The following GABBR2 variants were observed in gnomAD, a reference collection of about 807,000 sequenced individuals.
The protein encoded by GABBR2 is G-protein coupled receptor 51.
GABBR2 carries 23 observed loss-of-function variants against 105.6 expected under a neutral mutation model. The ratio of observed to expected loss-of-function variants is 0.22; its 90% CI spans 0.16 to 0.31. The LOEUF is 0.31. GABBR2 is among the 10% of genes least tolerant of loss of function. The pLI is 1.00. For synonymous variants in GABBR2, 478 were observed against 499.7 expected, an observed-to-expected ratio of 0.96 and a Z score of 0.58; for missense variants, 734 against 1,245.5, an observed-to-expected ratio of 0.59 and a Z score of 6.18.
At chr9:98,624,282 A>G (rs1242949614) in intron 1 of GABBR2, among the ~76,000 whole-genome samples, 3 of 152,172 alleles carry the variant, frequency 2.0e-5, no homozygotes, top group Non-Finnish European at 4.4e-5. Flanking sequence ...GCCAGGGCCT[A>G]CAAGTCTCAG....
chr9:98,628,896 G>A (rs1441063169), intron 1 of GABBR2, among the ~76,000 whole-genome samples: 3 of 152,112 alleles, frequency 2.0e-5, no homozygotes, highest in Non-Finnish European at 4.4e-5. Flanking sequence ...ACCCCTACAG[G>A]GGCTGCAGCT....
intron 8 of GABBR2, 58 bp downstream of exon 8, chr9:98,406,023 A>G: frequency 1.0e-6 from 1 of 969,876 alleles, no homozygotes; most frequent in Non-Finnish European, 1.7e-6. Context: ...ATTGCATAAA[A>G]CAACATTCCT....
intron 1 of GABBR2, among the ~76,000 whole-genome samples, chr9:98,622,070 A>G (rs1829678099): frequency 6.6e-6 from 1 of 152,240 alleles, no homozygotes; most frequent in Non-Finnish European, 1.5e-5. Context: ...TATTATAATT[A>G]TCAGAGCATC....
intron 1 of GABBR2, among the ~76,000 whole-genome samples, chr9:98,635,968 C>G (rs1001968990): frequency 6.6e-6 from 1 of 152,138 alleles, no homozygotes; most frequent in South Asian, 2.1e-4. Context: ...CACCATGCAC[C>G]CGGTTCTGAC....
At chr9:98,456,633 G>A (rs921593679) in intron 6 of GABBR2, among the ~76,000 whole-genome samples, 2 of 152,116 alleles carry the variant, frequency 1.3e-5, no homozygotes, top group African/African-American at 4.8e-5. Flanking sequence ...TAAAACACAG[G>A]AGCACACCTA....
chr9:98,298,033 C>T (rs750123676), intron 17 of GABBR2, among the ~76,000 whole-genome samples: 3 of 127,030 alleles, frequency 2.4e-5, no homozygotes, highest in South Asian at 2.5e-4. Context: ...CAGAGTGAGA[C>T]TCCATCTTAA....
intron 5 of GABBR2, among the ~76,000 whole-genome samples, chr9:98,479,147 T>C (rs1481523665): frequency 6.6e-6 from 1 of 152,202 alleles, no homozygotes; most frequent in African/African-American, 2.4e-5. Flanking sequence ...GAAAGACCTC[T>C]TGCTACTCTC....
chr9:98,295,529 A>C (rs982304622), intron 17 of GABBR2, among the ~76,000 whole-genome samples: 1 of 144,154 alleles, frequency 6.9e-6, no homozygotes, highest in African/African-American at 2.7e-5. Context: ...ATATTAAATG[A>C]GATGTCTTTT....
chr9:98,290,355 G>C lies in GABBR2; in HGVS notation c.*229C>G. On this transcript the variant is annotated 3_prime_UTR_variant, in exon 19 of 19. Transcript: ENST00000259455. Reference sequence around the variant, plus strand: ...ATGTTAAGGAAGACGTCCCATTTCCGTTCCTCTTCTTTGTGAAGAAATAAG... The same window carrying C: ...ATGTTAAGGAAGACGTCCCATTTCCCTTCCTCTTCTTTGTGAAGAAATAAG... 4.4e-6 allele frequency: 1 copy of C among 227,778 alleles called. No homozygotes were observed. 14.1% of individuals were successfully genotyped at this position (227,778 alleles called of 1,614,324 possible).
intron 1 of GABBR2, among the ~76,000 whole-genome samples, chr9:98,642,204 C>A (rs1226788305): frequency 6.6e-6 from 1 of 152,196 alleles, no homozygotes. Context: ...TAACGGCCTC[C>A]CCCTCCTCCC....
intron 1 of GABBR2, among the ~76,000 whole-genome samples, chr9:98,664,099 G>A (rs555154634): frequency 1.1e-4 from 16 of 152,268 alleles, no homozygotes; most frequent in Middle Eastern, 3.4e-3. Flanking sequence ...TCTGGGCGTC[G>A]GCAGGATCCC....
intron 4 of GABBR2, among the ~76,000 whole-genome samples, chr9:98,483,572 T>G (rs1826977674): frequency 6.6e-6 from 1 of 152,190 alleles, no homozygotes; most frequent in Admixed American, 6.5e-5. Flanking sequence ...CTCTATCACA[T>G]TTCTCATACC....
chr9:98,319,654 C>T (rs1454934568), intron 13 of GABBR2, among the ~76,000 whole-genome samples: 2 of 152,120 alleles, frequency 1.3e-5, no homozygotes, highest in Non-Finnish European at 2.9e-5. Context: ...CCTCTAGTCA[C>T]TGTGACAGCC....
intron 7 of GABBR2, among the ~76,000 whole-genome samples, chr9:98,415,695 C>T (rs1228130434): frequency 6.6e-6 from 1 of 152,134 alleles, no homozygotes; most frequent in Non-Finnish European, 1.5e-5. Context: ...ACAACACCCT[C>T]AATGGAATGA....
chr9:98,422,219 A>T (rs1256011618), intron 7 of GABBR2, among the ~76,000 whole-genome samples: 1 of 152,186 alleles, frequency 6.6e-6, no homozygotes, highest in African/African-American at 2.4e-5. Flanking sequence ...AAAGATGCTT[A>T]ATATCATTAG....
intron 8 of GABBR2, among the ~76,000 whole-genome samples, chr9:98,396,953 T>C (rs545617589): frequency 3.3e-5 from 5 of 152,282 alleles, no homozygotes; most frequent in African/African-American, 1.2e-4. Flanking sequence ...TTCCTGCATT[T>C]AATGCTCATG....
intron 1 of GABBR2, among the ~76,000 whole-genome samples, chr9:98,628,152 A>G (rs983548167): frequency 6.6e-6 from 1 of 152,244 alleles, no homozygotes; most frequent in African/African-American, 2.4e-5. Context: ...ACGTGTGTTT[A>G]AAAGTATCCC....
intron 1 of GABBR2, among the ~76,000 whole-genome samples, chr9:98,578,278 C>T (rs906450780): frequency 6.6e-6 from 1 of 152,144 alleles, no homozygotes; most frequent in Non-Finnish European, 1.5e-5. Flanking sequence ...TCTGCTCCCG[C>T]TAAGTGCCCT....
intron 6 of GABBR2, among the ~76,000 whole-genome samples, chr9:98,455,158 AT>A (rs75911165): frequency 4.6e-5 from 7 of 151,808 alleles, no homozygotes; most frequent in Admixed American, 2.6e-4. Flanking sequence ...TGAAAAAAAG[AT>A]TTTTTTTTCT....
Sources: allele counts gnomAD v4.1 joint callset (sites outside exome capture counted in the v4.1 genomes callset), GRCh38; gene constraint gnomAD v4.1.1; transcripts MANE v1.5; gene names NCBI Gene and HGNC (gene_info 2026-07-23, HGNC 2026-07-21).